The following NRG1 variants were observed in gnomAD, a reference collection of about 807,000 sequenced individuals.
NRG1 encodes the protein neuregulin 1.
A neutral mutation model predicts 63.8 loss-of-function variants in NRG1; 18 were observed. The ratio of observed to expected loss-of-function variants is 0.28; its 90% CI spans 0.19 to 0.42. The LOEUF (loss-of-function observed/expected upper bound fraction) is 0.42, where lower values mean the gene tolerates loss of function less well. Ranked by LOEUF, NRG1 falls within the 10% of genes least tolerant of loss-of-function variation. The probability of loss-of-function intolerance (pLI) is 1.00; values close to 1 mark genes in which losing one functional copy is unlikely to be tolerated. For synonymous variants in NRG1, 302 were observed against 301.3 expected (o/e 1.00, Z -0.02); for missense variants, 762 against 814.7 (o/e 0.94, Z 0.79).
At chr8:32,722,601 G>A (rs190004767) in intron 5 of NRG1, among the ~76,000 whole-genome samples, 34 of 152,184 alleles carry the variant, frequency 2.2e-4, no homozygotes, top group African/African-American at 6.0e-4. Context: ...AGTTGTAAAC[G>A]AAGTTTATAT....
chr8:32,482,978 G>C (rs1257539731), intron 1 of NRG1, among the ~76,000 whole-genome samples: 2 of 152,208 alleles, frequency 1.3e-5, no homozygotes, highest in Non-Finnish European at 2.9e-5. Context: ...TTGATCTCTG[G>C]GGACAGGGCG....
intron 1 of NRG1, among the ~76,000 whole-genome samples, chr8:32,412,461 T>TATATATGTATATATATATATATATAC (rs1815217348): frequency 4.0e-5 from 4 of 99,624 alleles, no homozygotes; most frequent in South Asian, 2.8e-4. Context: ...TACATATATA[T>TATATATGTATATATATATATATATAC]ATATATATAT....
At chr8:31,651,555 C>T (rs1277471775) in intron 1 of NRG1, among the ~76,000 whole-genome samples, 4 of 152,172 alleles carry the variant, frequency 2.6e-5, no homozygotes, top group South Asian at 2.1e-4. Context: ...GGCTGCAGGG[C>T]GAGGCTTCCT....
chr8:31,800,321 C>T (rs1821638792), intron 1 of NRG1, among the ~76,000 whole-genome samples: 1 of 152,134 alleles, frequency 6.6e-6, no homozygotes. Context: ...AAGAAGCAAA[C>T]AGTTGTTATT....
intron 5 of NRG1, among the ~76,000 whole-genome samples, chr8:32,639,575 C>A (rs1282192236): frequency 6.6e-6 from 1 of 152,190 alleles, no homozygotes; most frequent in Non-Finnish European, 1.5e-5. Context: ...CTGGTACTCT[C>A]TTATGAGTAA....
chr8:31,864,974 T>C (rs1433872808), intron 1 of NRG1, among the ~76,000 whole-genome samples: 32 of 152,160 alleles, frequency 2.1e-4, no homozygotes, highest in Admixed American at 6.6e-5. Flanking sequence ...CTACATCTTA[T>C]CAAAGAAGGC....
At chr8:32,340,701 T>C (rs1249036562) in intron 1 of NRG1, among the ~76,000 whole-genome samples, 1 of 152,118 alleles carries the variant, frequency 6.6e-6, no homozygotes, top group Non-Finnish European at 1.5e-5. Context: ...TCTGAAAAAC[T>C]CAAGAACTTT....
intron 1 of NRG1, among the ~76,000 whole-genome samples, chr8:32,182,766 C>T (rs1026648726): frequency 2.0e-5 from 3 of 151,918 alleles, no homozygotes; most frequent in Admixed American, 1.3e-4. Flanking sequence ...AATACCAGCC[C>T]ACTATGGTTT....
intron 1 of NRG1, among the ~76,000 whole-genome samples, chr8:32,405,644 C>A (rs904426822): frequency 2.0e-5 from 3 of 152,098 alleles, no homozygotes; most frequent in African/African-American, 7.2e-5. Context: ...ATTCCAGATA[C>A]CCCATGTAAT....
In NRG1 at chr8:32,062,512, G is replaced by A. The variant is rs146959073; in HGVS notation, c.37+423081G>A. ...AGCCTCATGGAGAGTTGAATAAATGGTCATTGCCTGGGTAAGTGAGGGCTC... is the reference window on the plus strand; with the variant it reads ...AGCCTCATGGAGAGTTGAATAAATGATCATTGCCTGGGTAAGTGAGGGCTC... On this transcript the variant is annotated intron_variant, in intron 1 of 10. Coordinates refer to the NRG1 transcript ENST00000519301. 8.2e-3 allele frequency among the ~76,000 whole-genome samples: 1,244 copies of A among 152,164 alleles called. 19 individuals are homozygous for A. Among genetic ancestry groups the A allele is most frequent in the African/African-American group, 0.028 (1,181 of 41,530 alleles).
At chr8:32,210,926 T>C (rs964482353) in intron 1 of NRG1, among the ~76,000 whole-genome samples, 3 of 152,252 alleles carry the variant, frequency 2.0e-5, no homozygotes, top group Admixed American at 6.5e-5. Flanking sequence ...AAATCATACA[T>C]GCTAAACACC....
At chr8:32,754,571 G>C in intron 8 of NRG1, 97 bp downstream of exon 8, 1 of 1,114,044 alleles carries the variant, frequency 9.0e-7, no homozygotes, top group African/African-American at 1.6e-5. Context: ...GCCTAGTCTT[G>C]GGGATAAAAA....
chr8:31,937,385 AATAAAAG>A (rs1474534808), intron 1 of NRG1, among the ~76,000 whole-genome samples: 16 of 152,224 alleles, frequency 1.1e-4, no homozygotes, highest in Admixed American at 2.0e-4. Context: ...TTTCAGAATA[AATAAAAG>A]ATAAAAATAA....
At chr8:31,985,596 A>C (rs1214020512) in intron 1 of NRG1, among the ~76,000 whole-genome samples, 1 of 151,930 alleles carries the variant, frequency 6.6e-6, no homozygotes, top group East Asian at 1.9e-4. Context: ...TTAGATACTC[A>C]GAGTAGAATT....
At chr8:32,321,086 T>A (rs1801327171) in intron 1 of NRG1, among the ~76,000 whole-genome samples, 1 of 152,180 alleles carries the variant, frequency 6.6e-6, no homozygotes, top group African/African-American at 2.4e-5. Flanking sequence ...TCTAAAACAC[T>A]GTGGCACTTC....
rs189919776 is a variant in NRG1, at chr8:32,425,419, A to G, written c.38-170409A>G. On this transcript the variant is annotated intron_variant, in intron 1 of 10. Coordinates refer to the NRG1 transcript ENST00000519301. ...TAAGTGTGATTTTTACCAGGATCAG[A>G]CTCTAATTTGCAATGGCTATGTGTC... Among the ~76,000 whole-genome samples the G allele has an allele frequency of 3.3e-5, 5 of 152,242 alleles. No individual in the cohort carries two copies. In the East Asian group the frequency reaches 9.6e-4, roughly 29 times the overall value.
chr8:32,071,706 T>C (rs1825780166), intron 1 of NRG1, among the ~76,000 whole-genome samples: 1 of 152,150 alleles, frequency 6.6e-6, no homozygotes, highest in African/African-American at 2.4e-5. Flanking sequence ...GAGAAAGAAT[T>C]CTCAAGCAGG....
intron 1 of NRG1, among the ~76,000 whole-genome samples, chr8:31,735,117 G>A (rs891345594): frequency 1.3e-5 from 2 of 152,040 alleles, no homozygotes; most frequent in East Asian, 3.9e-4. Context: ...CAATTTCTGG[G>A]GACTGAGAGT....
At chr8:32,571,481 G>C (rs1038811709) in intron 1 of NRG1, among the ~76,000 whole-genome samples, 4 of 152,142 alleles carry the variant, frequency 2.6e-5, no homozygotes, top group Non-Finnish European at 4.4e-5. Context: ...ATTTTGACTT[G>C]TGTCTTCTTC....
Sources: allele counts gnomAD v4.1 joint callset (sites outside exome capture counted in the v4.1 genomes callset), GRCh38; gene constraint gnomAD v4.1.1; transcripts MANE v1.5; gene names NCBI Gene and HGNC (gene_info 2026-07-23, HGNC 2026-07-21).